Variants in SPTLC3 observed in about 807,000 individuals in gnomAD.
SPTLC3 encodes serine palmitoyltransferase long chain base subunit 3.
In SPTLC3, 36 loss-of-function variants were observed where a neutral mutation model predicts 59.3. The ratio of observed to expected loss-of-function variants is 0.61; its 90% CI spans 0.47 to 0.80. The LOEUF (loss-of-function observed/expected upper bound fraction) is 0.80. Ranked by LOEUF, SPTLC3 falls within the 30% of genes least tolerant of loss-of-function variation. The pLI, the probability that SPTLC3 is intolerant of heterozygous loss-of-function variation, is 0.00. For missense variants in SPTLC3, 625 were observed against 685.1 expected (o/e 0.91, Z 0.98); for synonymous variants, 257 against 240.8 (o/e 1.07, Z -0.62).
chr20:13,128,002 C>G (rs1420256357), intron 9 of SPTLC3, among the ~76,000 whole-genome samples: 1 of 152,192 alleles, frequency 6.6e-6, no homozygotes, highest in African/African-American at 2.4e-5. Flanking sequence ...AGTGACTTAT[C>G]TATTCAACCC....
chr20:13,123,578 C>T (rs2037917340), intron 8 of SPTLC3, among the ~76,000 whole-genome samples: 1 of 152,158 alleles, frequency 6.6e-6, no homozygotes, highest in African/African-American at 2.4e-5. Flanking sequence ...TCAGAGGCTG[C>T]ACTGTAACTC....
chr20:13,024,545 A>T (rs1986055797), intron 1 of SPTLC3, among the ~76,000 whole-genome samples: 1 of 152,204 alleles, frequency 6.6e-6, no homozygotes, highest in South Asian at 2.1e-4. Context: ...TAAAATTTAC[A>T]TACAATGGAA....
chr20:13,039,955 A>G (rs955915230), intron 1 of SPTLC3, among the ~76,000 whole-genome samples: 2 of 152,092 alleles, frequency 1.3e-5, no homozygotes, highest in Admixed American at 6.6e-5. Flanking sequence ...AATCAACAGT[A>G]CAATCTTATA....
At chr20:13,162,148 A>C (rs1313159558) in intron 11 of SPTLC3, among the ~76,000 whole-genome samples, 1 of 152,240 alleles carries the variant, frequency 6.6e-6, no homozygotes, top group Non-Finnish European at 1.5e-5. Context: ...AAATAGGTTT[A>C]GAAAATACCC....
intron 2 of SPTLC3, among the ~76,000 whole-genome samples, chr20:13,055,331 G>C (rs537472572): frequency 1.3e-5 from 2 of 152,074 alleles, no homozygotes; most frequent in African/African-American, 4.8e-5. Flanking sequence ...TCCTAGTAGA[G>C]CTGACAATGT....
In SPTLC3 at chr20:13,117,707, T is replaced by C. The variant is rs1990643370; in HGVS notation, c.1134T>C (p.Gly378=). The part of the protein sequence containing the change: ...TFTKSFGASG[G]YIAGRKDLVD... ...CCAAAAGTTTTGGAGCTTCAGGAGG[T>C]TACATAGCTGGAAGGAAGGTAAGAG... The change falls in exon 8 of 12, where the codon GGT becomes GGC. Residue 378 remains glycine, a synonymous_variant. Transcript: ENST00000399002. 2 of 1,611,448 alleles carry C rather than the reference T, an allele frequency of 1.2e-6. No homozygotes were observed. The highest frequency in any genetic ancestry group is 2.2e-5 in the East Asian group (1 of 44,810).
chr20:13,108,284 C>T (rs1990019859), intron 6 of SPTLC3, among the ~76,000 whole-genome samples: 1 of 152,206 alleles, frequency 6.6e-6, no homozygotes, highest in Non-Finnish European at 1.5e-5. Flanking sequence ...CAAATATATT[C>T]ACAACTCTAT....
In SPTLC3 at chr20:13,090,284, T is replaced by C. The variant is rs897706862; in HGVS notation, c.608-799T>C. Among the ~76,000 whole-genome samples the C allele has an allele frequency of 2.0e-4, 31 of 152,258 alleles. 1 individual carries two copies. The highest frequency in any genetic ancestry group is 6.3e-4 in the African/African-American group (26 of 41,470). On this transcript the variant is annotated intron_variant, in intron 4 of 11. Coordinates refer to ENST00000399002, the MANE Select transcript of SPTLC3 (RefSeq NM_018327.4). ...TTGGTAACCTCTTAAGCCTCAGTTTTCTTATCTGTGAAGTAAAAATACCTG... is the reference window on the plus strand; with the variant it reads ...TTGGTAACCTCTTAAGCCTCAGTTTCCTTATCTGTGAAGTAAAAATACCTG...
chr20:13,072,870 C>T (rs1988497197), intron 3 of SPTLC3, among the ~76,000 whole-genome samples: 2 of 152,114 alleles, frequency 1.3e-5, no homozygotes, highest in Admixed American at 1.3e-4. Flanking sequence ...AATGCTCTGC[C>T]CAACTTCATC....
rs560821249 is a variant in SPTLC3, at chr20:13,144,924, G to A, written c.1280-9079G>A. ...CAAGTAGCTGGGACTACAGGCACCCGCCACCACGCCCAGCTAATTTTTTTG... is the reference window on the plus strand; with the variant it reads ...CAAGTAGCTGGGACTACAGGCACCCACCACCACGCCCAGCTAATTTTTTTG... On this transcript the variant is annotated intron_variant, in intron 9 of 11. Transcript: ENST00000399002. 3.3e-5 allele frequency among the ~76,000 whole-genome samples: 5 copies of A among 152,114 alleles called. No individual in the cohort carries two copies. In the South Asian group the frequency reaches 8.3e-4, roughly 25 times the overall value.
intron 6 of SPTLC3, among the ~76,000 whole-genome samples, chr20:13,101,453 C>T (rs1989598031): frequency 6.6e-6 from 1 of 152,182 alleles, no homozygotes; most frequent in Non-Finnish European, 1.5e-5. Flanking sequence ...AATTTCAATT[C>T]AGAATGCTGA....
chr20:13,013,403 C>T (rs1167825665), intron 1 of SPTLC3, among the ~76,000 whole-genome samples: 1 of 152,242 alleles, frequency 6.6e-6, no homozygotes, highest in East Asian at 1.9e-4. Context: ...TAGGCTACCC[C>T]CTGATTGAAA....
At chr20:13,119,150 C>T (rs1009451744) in intron 8 of SPTLC3, among the ~76,000 whole-genome samples, 1 of 152,216 alleles carries the variant, frequency 6.6e-6, no homozygotes. Context: ...GGCTACATTG[C>T]TCTGTGAGCT....
chr20:13,114,645 CTGTATCTCTATGGTTTAAACAAAT>C (rs1479128722), intron 7 of SPTLC3, among the ~76,000 whole-genome samples: 1 of 152,184 alleles, frequency 6.6e-6, no homozygotes. Context: ...AAACTGTCAC[CTGTATCTCTATGGTTTAAACAAAT>C]AAAGAAAAGA....
Position 13,160,088 on chromosome 20 carries a change from C to G in SPTLC3, c.1501C>G (p.Arg501Gly), listed in dbSNP as rs936598944. 1.2e-6 allele frequency: 2 copies of G among 1,613,632 alleles called. No homozygotes were observed. The highest frequency in any genetic ancestry group is 1.7e-6 in the Non-Finnish European group (2 of 1,179,936). ...CACTCCCCTCGCAGAAGCTCGGGCT[C>G]GGTTTTGTGTTTCAGCGGCACATAC... ...PATPLAEARA[R>G]FCVSAAHTRE... The change falls in exon 11 of 12, where the codon CGG (arginine) becomes GGG (glycine). Residue 501 changes from arginine to glycine, a missense_variant. Physicochemically the swap from Arg to Gly is moderately radical, Grantham distance 125. Coordinates refer to ENST00000399002, the MANE Select transcript of SPTLC3 (RefSeq NM_018327.4).
intron 9 of SPTLC3, among the ~76,000 whole-genome samples, chr20:13,149,562 A>T (rs2038595974): frequency 6.6e-6 from 1 of 152,224 alleles, no homozygotes; most frequent in South Asian, 2.1e-4. Context: ...AACGCAAAAG[A>T]CCTCAAAGGC....
intron 1 of SPTLC3, among the ~76,000 whole-genome samples, chr20:13,043,158 T>C (rs1051436482): frequency 6.6e-6 from 1 of 152,232 alleles, no homozygotes; most frequent in Non-Finnish European, 1.5e-5. Flanking sequence ...GAAGGATCTA[T>C]GCCAATCTTG....
intron 1 of SPTLC3, among the ~76,000 whole-genome samples, chr20:13,016,975 A>C (rs1458074556): frequency 6.6e-6 from 1 of 152,178 alleles, no homozygotes; most frequent in African/African-American, 2.4e-5. Context: ...TCACCAACTT[A>C]TAAGTATCAA....
chr20:13,164,975 TC>T lies in SPTLC3; in HGVS notation c.*111del. The T allele has an allele frequency of 1.1e-6, 1 of 909,736 alleles. No homozygotes were observed. Among genetic ancestry groups the T allele is most frequent in the Non-Finnish European group, 1.6e-6 (1 of 608,952 alleles). The allele number at this position is 909,736 out of a possible 1,614,324, so 56.4% of individuals were successfully genotyped here. A position where few individuals can be genotyped will look rare whatever the true frequency, so the allele number is the denominator to read the frequency against. The stretch of plus-strand genomic sequence containing the variant: ...CCCCCTTCCTCAGGACAATTTTGGT[TC>T]CCAGACCAGCTTGATTGAACTGAGG... On this transcript the variant is annotated 3_prime_UTR_variant, in exon 12 of 12. Transcript: ENST00000399002.
Sources: allele counts gnomAD v4.1 joint callset (sites outside exome capture counted in the v4.1 genomes callset), GRCh38; gene constraint gnomAD v4.1.1; transcripts MANE v1.5; gene names NCBI Gene and HGNC (gene_info 2026-07-23, HGNC 2026-07-21).